RARB: variants seen among roughly 807,000 people sequenced by gnomAD.
RARB encodes the protein HBV-activated protein.
A neutral mutation model predicts 51.9 loss-of-function variants in RARB; 17 were observed. The ratio of observed to expected loss-of-function variants is 0.33; its 90% CI spans 0.22 to 0.49. The LOEUF (loss-of-function observed/expected upper bound fraction) is 0.49. Ranked by LOEUF, RARB falls within the 20% of genes least tolerant of loss-of-function variation. The probability of loss-of-function intolerance (pLI) is 0.99; values close to 1 mark genes in which losing one functional copy is unlikely to be tolerated. For missense variants in RARB, 369 were observed against 550.8 expected (o/e 0.67, Z 3.30); for synonymous variants, 215 against 195.4 (o/e 1.10, Z -0.84).
chr3:25,439,216 G>C (rs1191537464), intron 1 of RARB, among the ~76,000 whole-genome samples: 2 of 152,198 alleles, frequency 1.3e-5, no homozygotes, highest in Admixed American at 6.5e-5. Context: ...AAAAGACAAA[G>C]AGGAAGAAAG....
chr3:25,143,013 TG>T (rs1264832847), intron 4 of RARB, among the ~76,000 whole-genome samples: 1 of 152,200 alleles, frequency 6.6e-6, no homozygotes, highest in Non-Finnish European at 1.5e-5. Context: ...TCTGAAAGAA[TG>T]CTGGAGCAGG....
rs1001083650 is a variant in RARB, at chr3:25,239,741, T to G, written c.178+65166T>G. Among the ~76,000 whole-genome samples the G allele has an allele frequency of 5.9e-5, 9 of 152,188 alleles. 1 individual carries two copies. Among genetic ancestry groups the G allele is most frequent in the African/African-American group, 2.2e-4 (9 of 41,454 alleles). The stretch of plus-strand genomic sequence containing the variant: ...TTTCGAAATCTAATAGTGTGATGCC[T>G]CCCGCTTTGTTTTTTGTGTTCAGGG... On this transcript the variant is annotated intron_variant, in intron 5 of 11. Coordinates refer to the RARB transcript ENST00000383772.
chr3:25,026,832 T>G (rs1697759767), intron 2 of RARB, among the ~76,000 whole-genome samples: 1 of 152,202 alleles, frequency 6.6e-6, no homozygotes, highest in South Asian at 2.1e-4. Context: ...TCATTAACCA[T>G]GGATTTGGGA....
intron 2 of RARB, among the ~76,000 whole-genome samples, chr3:25,034,969 T>C (rs1559442051): frequency 6.6e-6 from 1 of 152,208 alleles, no homozygotes; most frequent in Non-Finnish European, 1.5e-5. Flanking sequence ...AATTGTCCAT[T>C]GACACGAAGG....
chr3:25,514,732 C>T (rs1698073118), intron 3 of RARB, among the ~76,000 whole-genome samples: 1 of 152,064 alleles, frequency 6.6e-6, no homozygotes, highest in South Asian at 2.1e-4. Context: ...AAAATGGACC[C>T]ATTTAGGAGC....
intron 5 of RARB, among the ~76,000 whole-genome samples, chr3:25,298,264 C>G (rs1703964120): frequency 6.6e-6 from 1 of 151,474 alleles, no homozygotes; most frequent in Non-Finnish European, 1.5e-5. Flanking sequence ...CTCACTGCAA[C>G]CCTTGCCTCC....
At chr3:25,306,467 T>C (rs1704153892) in intron 5 of RARB, among the ~76,000 whole-genome samples, 1 of 151,898 alleles carries the variant, frequency 6.6e-6, no homozygotes, top group African/African-American at 2.4e-5. Context: ...ATACGGCAGC[T>C]TGTTTCATAG....
chr3:25,579,259 G>A (rs1389525553), intron 4 of RARB, among the ~76,000 whole-genome samples: 1 of 152,094 alleles, frequency 6.6e-6, no homozygotes, highest in Non-Finnish European at 1.5e-5. Context: ...TTTTTTAAAG[G>A]TATAGTTTGA....
rs58611383 is a variant in RARB, at chr3:25,563,947, C to CTT, written c.449-5795_449-5794dup. On this transcript the variant is annotated intron_variant, in intron 3 of 7. Coordinates refer to ENST00000330688, the MANE Select transcript of RARB (RefSeq NM_000965.5). Reference sequence around the variant, plus strand: ...CAAAAATACCATCAATTGTATTTTCCTTTTTTTTTTTTTTTTTGATGTGAA... The same window carrying CTT: ...CAAAAATACCATCAATTGTATTTTCCTTTTTTTTTTTTTTTTTTTGATGTGAA... 1.7e-3 allele frequency among the ~76,000 whole-genome samples: 238 copies of CTT among 137,008 alleles called. 2 individuals are homozygous for CTT. The highest frequency in any genetic ancestry group is 7.7e-3 in the Middle Eastern group (2 of 260). 89.9% of individuals were successfully genotyped at this position (137,008 alleles called of 152,430 possible). A position where few individuals can be genotyped will look rare whatever the true frequency, so the allele number is the denominator to read the frequency against.
chr3:25,235,624 C>T (rs1009699753), intron 5 of RARB, among the ~76,000 whole-genome samples: 2 of 152,136 alleles, frequency 1.3e-5, no homozygotes, highest in Non-Finnish European at 2.9e-5. Context: ...CTGAAATAAG[C>T]AAGTCTGCTG....
intron 3 of RARB, among the ~76,000 whole-genome samples, chr3:25,070,299 G>T (rs568993061): frequency 4.5e-4 from 69 of 152,304 alleles, no homozygotes; most frequent in Admixed American, 1.6e-3. Context: ...TTCCAAATAA[G>T]GTCATATTTA....
intron 2 of RARB, among the ~76,000 whole-genome samples, chr3:25,483,823 T>C (rs1198158027): frequency 7.2e-5 from 11 of 152,164 alleles, no homozygotes; most frequent in Admixed American, 7.2e-4. Context: ...TTTAAAATAT[T>C]TTATCATTAA....
chr3:25,416,197 T>A (rs970603009), intron 5 of RARB, among the ~76,000 whole-genome samples: 2 of 152,188 alleles, frequency 1.3e-5, no homozygotes, highest in Non-Finnish European at 2.9e-5. Context: ...GCCTGGGCAA[T>A]GTAGTGATAC....
At chr3:25,408,578 C>G (rs982034178) in intron 5 of RARB, among the ~76,000 whole-genome samples, 8 of 152,150 alleles carry the variant, frequency 5.3e-5, no homozygotes, top group African/African-American at 1.9e-4. Context: ...TGGCACCACT[C>G]CACACAGTGA....
At chr3:25,067,463 A>T (rs920363847) in intron 3 of RARB, among the ~76,000 whole-genome samples, 1 of 152,136 alleles carries the variant, frequency 6.6e-6, no homozygotes, top group Non-Finnish European at 1.5e-5. Context: ...AAGAAACCAG[A>T]CTGGAGTGGA....
intron 5 of RARB, among the ~76,000 whole-genome samples, chr3:25,332,352 G>A (rs1019428566): frequency 3.0e-4 from 46 of 152,318 alleles, no homozygotes; most frequent in Non-Finnish European, 5.7e-4. Flanking sequence ...TCATCCCTGG[G>A]ATGCAAGGCT....
chr3:24,886,292 C>T (rs893005842), intron 2 of RARB, among the ~76,000 whole-genome samples: 3 of 152,126 alleles, frequency 2.0e-5, no homozygotes, highest in African/African-American at 7.2e-5. Flanking sequence ...GGGGCTGATT[C>T]ACTCATTTCT....
chr3:25,405,656 G>C (rs556860093), intron 5 of RARB, among the ~76,000 whole-genome samples: 37 of 152,250 alleles, frequency 2.4e-4, no homozygotes, highest in African/African-American at 7.9e-4. Flanking sequence ...AAATTTAAAT[G>C]AAATGAAATA....
chr3:25,390,701 G>T (rs1209912141), intron 5 of RARB, among the ~76,000 whole-genome samples: 1 of 152,114 alleles, frequency 6.6e-6, no homozygotes, highest in Non-Finnish European at 1.5e-5. Flanking sequence ...AATAAAAGCT[G>T]TCATCAAAGG....
Sources: gnomAD v4.1 joint callset for allele counts (sites outside exome capture counted in the v4.1 genomes callset) on GRCh38, gnomAD v4.1.1 for gene constraint, MANE v1.5 for transcripts, NCBI Gene and HGNC (gene_info 2026-07-23, HGNC 2026-07-21) for gene names.